The following VRK3 variants were observed in gnomAD, a reference collection of about 807,000 sequenced individuals.
The protein encoded by VRK3 is serine/threonine-protein kinase VRK3.
In VRK3, 50 loss-of-function variants were observed where a neutral mutation model predicts 60.4. The ratio of observed to expected loss-of-function variants is 0.83; its 90% CI spans 0.66 to 1.05. The LOEUF (loss-of-function observed/expected upper bound fraction) is 1.05, where lower values mean the gene tolerates loss of function less well. VRK3 is among the 50% of genes least tolerant of loss of function. The probability of loss-of-function intolerance (pLI) is 0.00; values close to 1 mark genes in which losing one functional copy is unlikely to be tolerated. For missense variants in VRK3, 549 were observed against 585.3 expected, an observed-to-expected ratio of 0.94 and a Z score of 0.64; for synonymous variants, 246 against 227.8, an observed-to-expected ratio of 1.08 and a Z score of -0.72.
At chr19:50,018,964 GA>G (rs2077119914) in intron 2 of VRK3, 1 of 151,642 alleles carries the variant, frequency 6.6e-6, no homozygotes, top group Non-Finnish European at 1.5e-5. Flanking sequence ...AGGAGATCGA[GA>G]CCATCTTGGC....
At chr19:50,018,442 G>C (rs2077111292) in intron 2 of VRK3, among the ~76,000 whole-genome samples, 1 of 152,188 alleles carries the variant, frequency 6.6e-6, no homozygotes, top group Non-Finnish European at 1.5e-5. Context: ...ATCCCCATCA[G>C]CTGGTGAAAG....
chr19:50,015,370 G>C (rs940726958), intron 3 of VRK3, among the ~76,000 whole-genome samples: 2 of 151,920 alleles, frequency 1.3e-5, no homozygotes, highest in Non-Finnish European at 2.9e-5. Flanking sequence ...GTGCAATGGT[G>C]CAATCTCGGC....
intron 2 of VRK3, among the ~76,000 whole-genome samples, chr19:50,019,965 G>A (rs1170850137): frequency 3.3e-5 from 5 of 151,770 alleles, no homozygotes; most frequent in Admixed American, 1.3e-4. Context: ...TGCAACCTCC[G>A]TCTCCTAGGT....
intron 8 of VRK3, 130 bp from the exon 9 acceptor site, chr19:49,995,049 G>T: frequency 7.9e-7 from 1 of 1,266,242 alleles, no homozygotes. Flanking sequence ...CTGACTGGCT[G>T]GGCAGCAAAC....
intron 13 of VRK3, among the ~76,000 whole-genome samples, chr19:49,980,107 G>A (rs1040935803): frequency 1.3e-5 from 2 of 151,960 alleles, no homozygotes; most frequent in African/African-American, 2.4e-5. Flanking sequence ...GAGCCTTAGA[G>A]AGCCAGAGGG....
At chr19:50,019,242 A>C (rs936337210) in intron 2 of VRK3, 1 of 149,458 alleles carries the variant, frequency 6.7e-6, no homozygotes, top group African/African-American at 2.5e-5. Context: ...TCGCTCTGTC[A>C]CCCAGGCTGG....
chr19:50,007,469 T>G, intron 5 of VRK3, 100 bp downstream of exon 5: 4 of 1,549,064 alleles, frequency 2.6e-6, no homozygotes, highest in Non-Finnish European at 3.5e-6. Context: ...GGTCTGCAGC[T>G]AGGGATGTGG....
At chr19:49,992,785 A>G (rs1483345674) in intron 10 of VRK3, 75 bp downstream of exon 10, 5 of 1,403,970 alleles carry the variant, frequency 3.6e-6, no homozygotes, top group Non-Finnish European at 5.0e-6. Flanking sequence ...AGCACTATGA[A>G]ATAAATAGAG....
At chr19:49,979,343 G>A in intron 13 of VRK3, 101 bp from the exon 14 acceptor site, 6 of 1,523,246 alleles carry the variant, frequency 3.9e-6, no homozygotes, top group South Asian at 1.2e-5. Flanking sequence ...GGGGACTGAG[G>A]GGCATGAGGG....
intron 6 of VRK3, 85 bp downstream of exon 6, chr19:50,000,705 A>G: frequency 6.7e-7 from 1 of 1,492,214 alleles, no homozygotes; most frequent in Non-Finnish European, 9.2e-7. Flanking sequence ...GAGCTCTCCC[A>G]GCTGACAGAC....
chr19:50,006,259 G>A (rs914542624), intron 5 of VRK3, among the ~76,000 whole-genome samples: 1 of 151,550 alleles, frequency 6.6e-6, no homozygotes, highest in Admixed American at 6.6e-5. Flanking sequence ...GTTAAAAGCC[G>A]AGATCGTGCC....
At chr19:49,981,098 G>GTCC in intron 12 of VRK3, 85 bp from the exon 13 acceptor site, 2 of 1,216,950 alleles carry the variant, frequency 1.6e-6, no homozygotes, top group Non-Finnish European at 2.3e-6. Context: ...TATATACACA[G>GTCC]CCTAAGATAT....
At chr19:50,006,477 G>A (rs1299605153) in intron 5 of VRK3, among the ~76,000 whole-genome samples, 1 of 150,914 alleles carries the variant, frequency 6.6e-6, no homozygotes, top group African/African-American at 2.4e-5. Context: ...CCGGGTTCAC[G>A]CCATTCTCCT....
intron 3 of VRK3, 192 bp downstream of exon 3, chr19:50,015,832 G>C (rs2077066994): frequency 2.9e-6 from 2 of 686,848 alleles, no homozygotes; most frequent in African/African-American, 3.6e-5. Flanking sequence ...CATGGAGACA[G>C]TGTTCAAAGC....
chr19:50,003,816 C>T (rs1282962058), intron 5 of VRK3, among the ~76,000 whole-genome samples: 2 of 152,264 alleles, frequency 1.3e-5, no homozygotes, highest in South Asian at 2.1e-4. Flanking sequence ...ATGCAAGCTC[C>T]GCATCAGCAG....
At chr19:50,019,942 G>A (rs193161410) in intron 2 of VRK3, among the ~76,000 whole-genome samples, 14 of 151,764 alleles carry the variant, frequency 9.2e-5, no homozygotes, top group African/African-American at 2.7e-4. Flanking sequence ...GCAGTGGCAC[G>A]ATCTTGGCTC....
intron 6 of VRK3, chr19:49,998,964 A>AAAAAAAAAAC (rs2076752373): frequency 6.7e-6 from 1 of 149,634 alleles, no homozygotes; most frequent in Non-Finnish European, 1.5e-5. Context: ...AAAAAAAAAA[A>AAAAAAAAAAC]AAAAAAAAAA....
intron 13 of VRK3, 79 bp from the exon 14 acceptor site, chr19:49,979,321 G>A: frequency 6.2e-7 from 1 of 1,600,424 alleles, no homozygotes; most frequent in Non-Finnish European, 8.5e-7. Context: ...TCCACCCAAG[G>A]ATGGAGGGGT....
At chr19:49,981,315 G>GA (rs904896089) in intron 12 of VRK3, 2 of 327,698 alleles carry the variant, frequency 6.1e-6, no homozygotes, top group African/African-American at 6.1e-5. Flanking sequence ...GGGAGGCCGA[G>GA]GGGGGTGGAT....
Sources: allele counts gnomAD v4.1 joint callset (sites outside exome capture counted in the v4.1 genomes callset), GRCh38; gene constraint gnomAD v4.1.1; transcripts MANE v1.5; gene names NCBI Gene and HGNC (gene_info 2026-07-23, HGNC 2026-07-21).